The following SPEN variants were observed in gnomAD, a reference collection of about 807,000 sequenced individuals.
SPEN encodes the protein msx2-interacting protein.
Under a neutral mutation model 269.9 loss-of-function variants are expected in SPEN, and 18 were observed. The observed-to-expected ratio is 0.07, with a 90% CI of 0.05 to 0.10. The LOEUF is 0.10. Among genes scored for constraint, SPEN ranks in the 10% least tolerant of loss-of-function variants. The probability of loss-of-function intolerance (pLI) is 1.00; values close to 1 mark genes in which losing one functional copy is unlikely to be tolerated. For missense variants in SPEN, 3,822 were observed against 4,631.2 expected, an observed-to-expected ratio of 0.83 and a Z score of 5.07; for synonymous variants, 1,726 against 1,765.7, an observed-to-expected ratio of 0.98 and a Z score of 0.56.
Position 15,929,796 on chromosome 1 carries a change from A to G in SPEN, c.3556A>G (p.Ile1186Val). ...SRRKQQMEME[I>V]AKSEKFGSPK... Reference sequence around the variant, plus strand: ...TAGGAAACAGCAGATGGAAATGGAAATAGCCAAGTCTGAGAAGTTTGGCAG... The same window carrying G: ...TAGGAAACAGCAGATGGAAATGGAAGTAGCCAAGTCTGAGAAGTTTGGCAG... Residue 1186 changes from isoleucine (I) to valine (V), a missense_variant, in exon 11 of 15, where the codon ATA becomes GTA. By Grantham distance (29) the Ile-to-Val change is conservative. Around this residue, in one of 16 missense-constraint regions of SPEN, gnomAD observed 46 missense variants for 94.0 expected, o/e 0.49. Transcript: ENST00000375759. The surrounding 1 kb of genome is among the most constrained non-coding windows in gnomAD (Gnocchi z 5.8). 1 of 1,614,232 alleles carries G rather than the reference A, an allele frequency of 6.2e-7. No homozygotes were observed. Among genetic ancestry groups the G allele is most frequent in the Non-Finnish European group, 8.5e-7 (1 of 1,180,048 alleles).
At chr1:15,903,342 A>T (rs966839990) in intron 3 of SPEN, among the ~76,000 whole-genome samples, 2 of 152,226 alleles carry the variant, frequency 1.3e-5, no homozygotes, top group Non-Finnish European at 2.9e-5. Flanking sequence ...TCTTAATTAC[A>T]AATTATAAGA....
At position 15,935,031 on chromosome 1, in the gene SPEN, G is replaced by T. The variant is rs749577014; in HGVS notation, c.8791G>T (p.Val2931Phe). 30 of 1,613,998 alleles carry T rather than the reference G, an allele frequency of 1.9e-5. No individual in the cohort carries two copies. The highest frequency in any genetic ancestry group is 1.1e-4 in the South Asian group (10 of 91,072). The change falls in exon 11 of 15, where the codon GTT becomes TTT. Residue 2931 changes from valine to phenylalanine, a missense_variant. By Grantham distance (50) the Val-to-Phe change is conservative. This residue lies in a region of SPEN where 20 missense variants were observed against 60.7 expected (regional missense o/e 0.33). Transcript: ENST00000375759. This position sits in a 1 kb window ranked among gnomAD's most constrained non-coding sequence, Gnocchi z 7.7. ...TPVTQGGTVK[V>F]LTQGINTPPV... is the part of the protein sequence containing the mutation. ...TGTCACCCAGGGAGGCACAGTGAAG[G>T]TTCTCACCCAGGGGATCAACACACC...
At chr1:15,866,134 T>C (rs886751937) in intron 1 of SPEN, among the ~76,000 whole-genome samples, 1 of 152,176 alleles carries the variant, frequency 6.6e-6, no homozygotes, top group Non-Finnish European at 1.5e-5. Flanking sequence ...TGAAAAATCT[T>C]GCTCACCTCT....
chr1:15,855,148 A>G (rs1239593666), intron 1 of SPEN, among the ~76,000 whole-genome samples: 1 of 152,204 alleles, frequency 6.6e-6, no homozygotes, highest in Non-Finnish European at 1.5e-5. Context: ...GAGAAACACT[A>G]TTTCTTATCC....
rs202035000 is a variant in SPEN at position 15,935,152 on chromosome 1, A to G, written c.8912A>G (p.Lys2971Arg). 4 of 1,613,952 alleles carry G rather than the reference A, an allele frequency of 2.5e-6. No individual in the cohort carries two copies. The highest frequency in any genetic ancestry group is 1.7e-5 in the Admixed American group (1 of 59,994). Residue 2971 changes from lysine to arginine, a missense_variant, in exon 11 of 15, where the codon AAG becomes AGG. Lys to Arg is a conservative substitution (Grantham distance 26). Around this residue, in one of 16 missense-constraint regions of SPEN, gnomAD observed 94 missense variants for 90.4 expected, o/e 1.04. Coordinates refer to ENST00000375759, the MANE Select transcript of SPEN (RefSeq NM_015001.3). The surrounding 1 kb of genome is among the most constrained non-coding windows in gnomAD (Gnocchi z 7.7). ...ADPVTLKIET[K>R]VLQPANLGST... ...CCCGTCACCCTTAAAATCGAGACCA[A>G]GGTCCTTCAGCCGGCCAACCTGGGG... is the stretch of plus-strand genomic sequence containing the variant.
chr1:15,924,266 A>C (rs1012617648), intron 10 of SPEN, among the ~76,000 whole-genome samples: 1 of 152,162 alleles, frequency 6.6e-6, no homozygotes, highest in African/African-American at 2.4e-5. Context: ...AGTCATTGTT[A>C]ATACAGTAAA....
intron 1 of SPEN, among the ~76,000 whole-genome samples, chr1:15,860,227 G>A (rs7547314): frequency 0.4 from 60,725 of 151,258 alleles, 12,530 homozygotes; most frequent in East Asian, 0.69. Flanking sequence ...ACATCTTAAG[G>A]CATAGACTTC....
At chr1:15,860,378 GGTGTGTGT>G (rs60005872) in intron 1 of SPEN, among the ~76,000 whole-genome samples, 2,369 of 121,226 alleles carry the variant, frequency 0.02, 75 homozygotes, top group African/African-American at 0.07. Context: ...TAGCTTCAGA[GGTGTGTGT>G]GTGTGTGTGT....
At chr1:15,867,331 C>G (rs1274708202) in intron 1 of SPEN, among the ~76,000 whole-genome samples, 1 of 152,246 alleles carries the variant, frequency 6.6e-6, no homozygotes, top group East Asian at 1.9e-4. Flanking sequence ...TGTTGCTGAA[C>G]AATATTCCAT....
chr1:15,910,172 A>C (rs1304016742), intron 4 of SPEN, among the ~76,000 whole-genome samples: 3 of 151,860 alleles, frequency 2.0e-5, no homozygotes, highest in Non-Finnish European at 4.4e-5. Flanking sequence ...AAATAGCCTA[A>C]AAACTTATGT....
intron 3 of SPEN, among the ~76,000 whole-genome samples, chr1:15,880,735 G>A (rs1451760732): frequency 1.3e-5 from 2 of 152,068 alleles, no homozygotes; most frequent in Non-Finnish European, 2.9e-5. Context: ...GGGATTACAG[G>A]CATGAGCCAC....
At chr1:15,859,903 A>ATTTTTTTTT (rs1557734352) in intron 1 of SPEN, among the ~76,000 whole-genome samples, 7 of 59,302 alleles carry the variant, frequency 1.2e-4, no homozygotes, top group African/African-American at 3.2e-4. Context: ...ATCAGTTAAC[A>ATTTTTTTTT]TCTTTTTTTT....
chr1:15,873,277 T>A, intron 2 of SPEN, 141 bp downstream of exon 2: 1 of 1,401,378 alleles, frequency 7.1e-7, no homozygotes, highest in South Asian at 1.7e-5. Flanking sequence ...CGGAAGTGAT[T>A]TATATCCCAA....
At chr1:15,919,747 C>G (rs2071098857) in intron 8 of SPEN, among the ~76,000 whole-genome samples, 1 of 152,164 alleles carries the variant, frequency 6.6e-6, no homozygotes, top group Non-Finnish European at 1.5e-5. Flanking sequence ...TGAAACTATT[C>G]TCATAGTATA....
Position 15,933,453 on chromosome 1 carries a change from A to G in SPEN, c.7213A>G (p.Ile2405Val). Reference sequence around the variant, plus strand: ...GTCATGTACTTCTGACCTAAGCAAGATTCCCTCCACAGAGAATTCGTCCCA... The same window carrying G: ...GTCATGTACTTCTGACCTAAGCAAGGTTCCCTCCACAGAGAATTCGTCCCA... ...PQSCTSDLSKIPSTENSSQEI... is the reference protein window; with the variant it reads ...PQSCTSDLSKVPSTENSSQEI... The change falls in exon 11 of 15, where the codon ATT (isoleucine) becomes GTT (valine). Residue 2405 changes from isoleucine to valine, a missense_variant. Ile to Val is a conservative substitution (Grantham distance 29, BLOSUM62 3). Transcript: ENST00000375759. This position sits in a 1 kb window ranked among gnomAD's most constrained non-coding sequence, Gnocchi z 5.7. 6.2e-7 allele frequency: 1 copy of G among 1,614,112 alleles called. No individual in the cohort carries two copies. Among genetic ancestry groups the G allele is most frequent in the South Asian group, 1.1e-5 (1 of 91,078 alleles).
chr1:15,886,257 A>T (rs1022388094), intron 3 of SPEN, among the ~76,000 whole-genome samples: 5 of 152,172 alleles, frequency 3.3e-5, no homozygotes, highest in African/African-American at 9.7e-5. Flanking sequence ...AGGATGCTCG[A>T]CTGCAGAGGA....
intron 8 of SPEN, 31 bp from the exon 9 acceptor site, chr1:15,920,839 C>G: frequency 7.1e-7 from 1 of 1,398,812 alleles, no homozygotes; most frequent in South Asian, 1.2e-5. Flanking sequence ...GGATGAGGCT[C>G]TTACTTGTTT....
intron 3 of SPEN, among the ~76,000 whole-genome samples, chr1:15,899,537 G>GTT (rs34565365): frequency 0.16 from 13,736 of 83,382 alleles, 2,582 homozygotes; most frequent in Non-Finnish European, 0.22. Context: ...ATGTGGCAGA[G>GTT]TTTTTTTTTT....
At chr1:15,938,911 C>A (rs992672883) in intron 14 of SPEN, 35 bp downstream of exon 14, 111 of 1,603,190 alleles carry the variant, frequency 6.9e-5, no homozygotes, top group Non-Finnish European at 8.9e-5. Context: ...CACATGTACA[C>A]CCACAGGTGG....
Sources: allele counts gnomAD v4.1 joint callset (sites outside exome capture counted in the v4.1 genomes callset), GRCh38; gene constraint gnomAD v4.1.1; regional missense constraint gnomAD v4.1.1; non-coding constraint Gnocchi (gnomAD v3.1); transcripts MANE v1.5; gene names NCBI Gene and HGNC (gene_info 2026-07-23, HGNC 2026-07-21).